Variants in CEP112 observed in about 807,000 individuals in gnomAD.
CEP112 encodes centrosomal protein 112.
A neutral mutation model predicts 153.0 loss-of-function variants in CEP112; 127 were observed. The ratio of observed to expected loss-of-function variants is 0.83; its 90% confidence interval spans 0.72 to 0.96. The LOEUF (loss-of-function observed/expected upper bound fraction) is 0.96, where lower values mean the gene tolerates loss of function less well. Among genes scored for constraint, CEP112 ranks in the 40% least tolerant of loss-of-function variants. The probability of loss-of-function intolerance (pLI) is 0.00; values close to 1 mark genes in which losing one functional copy is unlikely to be tolerated. For synonymous variants in CEP112, 358 were observed against 374.4 expected, an observed-to-expected ratio of 0.96 and a Z score of 0.51; for missense variants, 1,089 against 1,101.2, an observed-to-expected ratio of 0.99 and a Z score of 0.16.
At chr17:66,058,531 C>A (rs186219892) in intron 11 of CEP112, among the ~76,000 whole-genome samples, 1 of 151,840 alleles carries the variant, frequency 6.6e-6, no homozygotes, top group Non-Finnish European at 1.5e-5. Flanking sequence ...CAAAAAAGAG[C>A]CTGAATAGTT....
At chr17:65,685,810 T>A (rs1342118338) in intron 24 of CEP112, among the ~76,000 whole-genome samples, 3 of 151,772 alleles carry the variant, frequency 2.0e-5, no homozygotes, top group Non-Finnish European at 4.4e-5. Flanking sequence ...GTAGCTGGGA[T>A]TATAGGCGCC....
At chr17:66,068,543 G>A (rs2067201577) in intron 9 of CEP112, among the ~76,000 whole-genome samples, 1 of 152,166 alleles carries the variant, frequency 6.6e-6, no homozygotes, top group Admixed American at 6.6e-5. Context: ...GCCAATTCCT[G>A]ATGCTTAGAA....
chr17:66,014,236 G>A (rs2064671699), intron 16 of CEP112, among the ~76,000 whole-genome samples: 1 of 152,142 alleles, frequency 6.6e-6, no homozygotes, highest in Admixed American at 6.5e-5. Context: ...ATGTCAGTGG[G>A]GGCCACTCTG....
At chr17:65,974,133 G>A (rs942175882) in intron 17 of CEP112, among the ~76,000 whole-genome samples, 4 of 151,724 alleles carry the variant, frequency 2.6e-5, no homozygotes, top group Non-Finnish European at 4.4e-5. Flanking sequence ...CTGGAGTGCA[G>A]TGGTGAGATC....
intron 21 of CEP112, among the ~76,000 whole-genome samples, chr17:65,789,389 T>G (rs1012651488): frequency 2.6e-5 from 4 of 152,206 alleles, no homozygotes; most frequent in African/African-American, 9.7e-5. Flanking sequence ...CAACTGATAC[T>G]CTATCTAAAG....
intron 25 of CEP112, among the ~76,000 whole-genome samples, chr17:65,640,088 G>C (rs1017910494): frequency 1.6e-4 from 23 of 146,706 alleles, no homozygotes; most frequent in Admixed American, 6.1e-4. Context: ...TCTGCCCGCT[G>C]TGGCCTCCCA....
intron 22 of CEP112, among the ~76,000 whole-genome samples, chr17:65,746,041 T>C (rs1467601426): frequency 1.3e-5 from 2 of 151,622 alleles, no homozygotes; most frequent in Non-Finnish European, 2.9e-5. Context: ...GACACATGCC[T>C]GTAATCCCAG....
At chr17:65,836,092 C>G (rs59518039) in intron 21 of CEP112, among the ~76,000 whole-genome samples, 1 of 151,968 alleles carries the variant, frequency 6.6e-6, no homozygotes, top group Admixed American at 6.6e-5. Flanking sequence ...TTGTAAGCCT[C>G]GTGGTGGCCA....
chr17:65,813,261 G>GA (rs1568052816), intron 21 of CEP112, among the ~76,000 whole-genome samples: 1 of 152,116 alleles, frequency 6.6e-6, no homozygotes, highest in Non-Finnish European at 1.5e-5. Flanking sequence ...AATAAGAGCT[G>GA]AAAGATCAGT....
chr17:65,937,052 G>A lies in CEP112; in HGVS notation c.1873-9363C>T, dbSNP rs200774246. Among the ~76,000 whole-genome samples, 44 of 149,302 alleles carry A rather than the reference G, an allele frequency of 2.9e-4. No individual in the cohort carries two copies. The East Asian group carries it at 8.5e-3, about 29-fold the overall frequency. ...GGGCTGGTCTCCAGCTCCTCACCGCGAGTGATCCGCCAGCCTCGGCCTCCC... is the reference window on the plus strand; with the variant it reads ...GGGCTGGTCTCCAGCTCCTCACCGCAAGTGATCCGCCAGCCTCGGCCTCCC... On this transcript the variant is annotated intron_variant, in intron 18 of 26. Coordinates refer to ENST00000535342, the MANE Select transcript of CEP112 (RefSeq NM_001199165.4).
chr17:65,953,776 C>A (rs772272209), intron 18 of CEP112, among the ~76,000 whole-genome samples: 26 of 152,150 alleles, frequency 1.7e-4, no homozygotes, highest in Non-Finnish European at 3.2e-4. Flanking sequence ...GAACCACACT[C>A]CCATCCCCCG....
At chr17:65,970,675 C>A (rs898016087) in intron 17 of CEP112, among the ~76,000 whole-genome samples, 1 of 151,696 alleles carries the variant, frequency 6.6e-6, no homozygotes, top group Admixed American at 6.6e-5. Flanking sequence ...GCATATTACA[C>A]GCATATCACA....
intron 21 of CEP112, among the ~76,000 whole-genome samples, chr17:65,846,359 CTA>C (rs1383740938): frequency 3.3e-5 from 5 of 152,082 alleles, no homozygotes; most frequent in African/African-American, 1.2e-4. Flanking sequence ...AAGATTAATG[CTA>C]TGTTTTTAAC....
chr17:65,882,898 A>G (rs1307741921), intron 20 of CEP112, among the ~76,000 whole-genome samples: 1 of 152,012 alleles, frequency 6.6e-6, no homozygotes, highest in Non-Finnish European at 1.5e-5. Flanking sequence ...CTTCCCTGTG[A>G]CCCTACTCAA....
At chr17:65,969,122 C>A (rs1437904746) in intron 17 of CEP112, among the ~76,000 whole-genome samples, 3 of 147,850 alleles carry the variant, frequency 2.0e-5, no homozygotes, top group Non-Finnish European at 4.5e-5. Context: ...TGATCTGTCA[C>A]CCCAGCTAGA....
intron 19 of CEP112, among the ~76,000 whole-genome samples, chr17:65,905,931 C>T (rs2060060147): frequency 6.6e-6 from 1 of 151,516 alleles, no homozygotes; most frequent in African/African-American, 2.4e-5. Flanking sequence ...GGCAACAGGG[C>T]CAGACTCCGT....
At chr17:66,047,762 A>T (rs756340480) in intron 12 of CEP112, among the ~76,000 whole-genome samples, 1 of 152,212 alleles carries the variant, frequency 6.6e-6, no homozygotes, top group Non-Finnish European at 1.5e-5. Context: ...TTATACAACA[A>T]AAGTTTGAGA....
At chr17:66,038,568 C>G (rs1443296) in intron 12 of CEP112, among the ~76,000 whole-genome samples, 1 of 152,170 alleles carries the variant, frequency 6.6e-6, no homozygotes, top group Non-Finnish European at 1.5e-5. Flanking sequence ...GGAGTAAAAA[C>G]TTAGTCAAGA....
In CEP112 at chr17:65,792,311, T is replaced by G. The variant is rs1214005079; in HGVS notation, c.2395-41587A>C. On this transcript the variant is annotated intron_variant, in intron 21 of 26. Coordinates refer to ENST00000535342, the MANE Select transcript of CEP112 (RefSeq NM_001199165.4). Reference sequence around the variant, plus strand: ...ATACACAGATCGTAATGGGGACTCTTTAGTATCAGTTTACAATGAAGCCTA... The same window carrying G: ...ATACACAGATCGTAATGGGGACTCTGTAGTATCAGTTTACAATGAAGCCTA... Among the ~76,000 whole-genome samples the G allele has an allele frequency of 3.3e-5, 5 of 152,346 alleles. No homozygotes were observed. The East Asian group carries it at 9.6e-4, about 29-fold the overall frequency.
Sources: allele counts gnomAD v4.1 joint callset (sites outside exome capture counted in the v4.1 genomes callset), GRCh38; gene constraint gnomAD v4.1.1; transcripts MANE v1.5; gene names NCBI Gene and HGNC (gene_info 2026-07-23, HGNC 2026-07-21).